Variants in MAP2K5 observed in about 807,000 individuals in gnomAD.
MAP2K5 encodes the protein mitogen-activated protein kinase kinase 5, also known as dual specificity mitogen-activated protein kinase kinase 5.
Under a neutral mutation model 83.1 loss-of-function variants are expected in MAP2K5, and 49 were observed. That is an observed-to-expected ratio of 0.59 (90% confidence interval 0.47 to 0.75). The LOEUF (loss-of-function observed/expected upper bound fraction) is 0.75. MAP2K5 is among the 30% of genes least tolerant of loss of function. MAP2K5 has a pLI of 0.00. For synonymous variants in MAP2K5, 202 were observed against 191.8 expected (o/e 1.05, Z -0.44); for missense variants, 457 against 557.5 (o/e 0.82, Z 1.82).
chr15:67,592,947 A>G lies in MAP2K5; in HGVS notation c.453A>G (p.Glu151=). The change falls in exon 7 of 22, where the codon GAA becomes GAG. Residue 151 remains glutamate, a synonymous_variant. Coordinates refer to ENST00000178640, the MANE Select transcript of MAP2K5 (RefSeq NM_145160.3). ...TCAGCTTAAAGAAGTCTTCTGCTGA[A>G]CTGAAAAAAATACTAGCCAATGGCC... ...PSNSLKKSSA[E]LKKILANGQM... The G allele has an allele frequency of 1.2e-6, 2 of 1,609,074 alleles. No individual in the cohort carries two copies. The highest frequency in any genetic ancestry group is 1.7e-6 in the Non-Finnish European group (2 of 1,176,844).
At chr15:67,727,263 T>C (rs1239106978) in intron 16 of MAP2K5, among the ~76,000 whole-genome samples, 1 of 152,192 alleles carries the variant, frequency 6.6e-6, no homozygotes, top group Non-Finnish European at 1.5e-5. Context: ...ATTTTGTTTT[T>C]ACAGGTGAGG....
chr15:67,664,661 A>G lies in MAP2K5; in HGVS notation c.847+16A>G, dbSNP rs2087328939. On this transcript the variant is annotated intron_variant, in intron 13 of 21. Transcript: ENST00000178640. ...TTACATAGAGGTATGTGCTGGGCTT[A>G]TAAGCTTGGATTTAATTTGGGGTGG... The G allele has an allele frequency of 7.0e-6, 11 of 1,582,732 alleles. No homozygotes were observed. Among genetic ancestry groups the G allele is most frequent in the Non-Finnish European group, 9.5e-6 (11 of 1,154,352 alleles).
rs1471023574 is a variant in MAP2K5, at chr15:67,585,816, T to C, written c.323-74T>C. 7 of 1,350,114 alleles carry C rather than the reference T, an allele frequency of 5.2e-6. No individual in the cohort carries two copies. In the East Asian group the frequency reaches 1.6e-4, roughly 31 times the overall value. The allele number at this position is 1,350,114 out of a possible 1,614,324, so 83.6% of individuals were successfully genotyped here. On this transcript the variant is annotated intron_variant, in intron 4 of 21. Transcript: ENST00000178640. ...AATTTTGGTGTCACCCTCATTTCTT[T>C]TTAAACGATTCATTTTGAGCAAATT...
At chr15:67,692,454 A>G (rs1274187146) in intron 13 of MAP2K5, 25 bp from the exon 14 acceptor site, 1 of 1,565,962 alleles carries the variant, frequency 6.4e-7, no homozygotes, top group East Asian at 2.2e-5. Flanking sequence ...AATTAGTTAC[A>G]TGGCCTTTTC....
intron 6 of MAP2K5, among the ~76,000 whole-genome samples, chr15:67,592,368 C>T (rs2141013481): frequency 6.6e-6 from 1 of 151,892 alleles, no homozygotes. Flanking sequence ...TGGTATTTTC[C>T]CCATTTTACA....
intron 17 of MAP2K5, among the ~76,000 whole-genome samples, chr15:67,745,817 G>A (rs2089593977): frequency 6.6e-6 from 1 of 152,188 alleles, no homozygotes; most frequent in African/African-American, 2.4e-5. Flanking sequence ...TTGTGAAATA[G>A]AAGATATAAG....
chr15:67,628,443 G>T, intron 8 of MAP2K5: 1 of 562,540 alleles, frequency 1.8e-6, no homozygotes, highest in South Asian at 2.3e-5. Flanking sequence ...TCGTGCCACT[G>T]CTCTCCAGCC....
intron 14 of MAP2K5, 132 bp downstream of exon 14, chr15:67,692,684 AGT>A: frequency 1.6e-6 from 1 of 638,442 alleles, no homozygotes; most frequent in Non-Finnish European, 2.8e-6. Context: ...CTCATCTGGG[AGT>A]GTGTTATTCA....
intron 3 of MAP2K5, among the ~76,000 whole-genome samples, chr15:67,571,943 C>CA (rs1311987403): frequency 6.6e-6 from 1 of 152,100 alleles, no homozygotes; most frequent in East Asian, 1.9e-4. Context: ...GCTCATGGTC[C>CA]AGTCAGGGAG....
intron 17 of MAP2K5, among the ~76,000 whole-genome samples, chr15:67,737,753 C>A (rs1053928760): frequency 2.0e-5 from 3 of 151,246 alleles, no homozygotes; most frequent in Non-Finnish European, 2.9e-5. Flanking sequence ...CAATTGGAAC[C>A]AAGTGTGGAC....
rs149335190 is a variant in MAP2K5, at chr15:67,586,587, G to T, written c.364-259G>T. Reference sequence around the variant, plus strand: ...TTATATGTATTCTAGACAGTGAGTTGGATTTTCACACTGTTTATGTCTCCT... The same window carrying T: ...TTATATGTATTCTAGACAGTGAGTTTGATTTTCACACTGTTTATGTCTCCT... On this transcript the variant is annotated intron_variant, in intron 5 of 21. Transcript: ENST00000178640. Among the ~76,000 whole-genome samples the T allele has an allele frequency of 2.2e-4, 33 of 152,116 alleles. No homozygotes were observed. In the East Asian group the frequency reaches 6.0e-3, roughly 28 times the overall value.
At position 67,794,162 on chromosome 15, in the gene MAP2K5, A is replaced by G. The variant is rs2090564843; in HGVS notation, c.1243-12484A>G. 1.3e-5 allele frequency among the ~76,000 whole-genome samples: 2 copies of G among 152,210 alleles called. No homozygotes were observed. The highest frequency in any genetic ancestry group is 2.9e-5 in the Non-Finnish European group (2 of 68,032). On this transcript the variant is annotated intron_variant, in intron 21 of 21. Transcript: ENST00000178640. This position sits in a 1 kb window ranked among gnomAD's most constrained non-coding sequence, Gnocchi z 4.6. ...ATGACCAGTGACACCACCTTGGAAAATGCAGGTCACACCAGTCACCACCAT... is the reference window on the plus strand; with the variant it reads ...ATGACCAGTGACACCACCTTGGAAAGTGCAGGTCACACCAGTCACCACCAT...
Position 67,769,873 on chromosome 15 carries a change from C to T in MAP2K5, c.1196+210C>T. 4.5e-6 allele frequency: 2 copies of T among 447,174 alleles called. No individual in the cohort carries two copies. The highest frequency in any genetic ancestry group is 7.8e-6 in the Non-Finnish European group (2 of 255,140). 27.7% of individuals were successfully genotyped at this position (447,174 alleles called of 1,614,324 possible). On this transcript the variant is annotated intron_variant, in intron 20 of 21. Transcript: ENST00000178640. The surrounding 1 kb of genome is among the most constrained non-coding windows in gnomAD (Gnocchi z 5.2). ...AAAGGGTCATAAGCATACTTCAGAG[C>T]CTTTTTCCTGATTTAATAAACTGCT...
At chr15:67,549,134 C>G in intron 1 of MAP2K5, 1 of 1,535,470 alleles carries the variant, frequency 6.5e-7, no homozygotes, top group Non-Finnish European at 8.7e-7. Flanking sequence ...TGTGGCAGAG[C>G]TCCTGGAGAG....
chr15:67,704,555 TCACCTG>T (rs1332565225), intron 16 of MAP2K5, among the ~76,000 whole-genome samples: 1 of 152,234 alleles, frequency 6.6e-6, no homozygotes, highest in Non-Finnish European at 1.5e-5. Context: ...CAAACTCAAT[TCACCTG>T]CACAGTAGAA....
chr15:67,677,877 C>T lies in MAP2K5; in HGVS notation c.847+13232C>T, dbSNP rs541204932. Among the ~76,000 whole-genome samples, 5 of 152,336 alleles carry T rather than the reference C, an allele frequency of 3.3e-5. No individual in the cohort carries two copies. The highest frequency in any genetic ancestry group is 9.6e-5 in the African/African-American group (4 of 41,568). On this transcript the variant is annotated intron_variant, in intron 13 of 21. Transcript: ENST00000178640. The surrounding 1 kb of genome is among the most constrained non-coding windows in gnomAD (Gnocchi z 4.2). ...CTGCCTTTATTGAAGAAGGAAAGGG[C>T]ACGTTTGTTGCCTCCATTCTGAACC...
intron 21 of MAP2K5, among the ~76,000 whole-genome samples, chr15:67,784,737 G>A (rs867635522): frequency 3.3e-5 from 5 of 152,228 alleles, no homozygotes; most frequent in Admixed American, 6.5e-5. Context: ...TGAGGGCAGA[G>A]TGTGTCCTGA....
chr15:67,585,463 C>G (rs1181938904), intron 4 of MAP2K5, among the ~76,000 whole-genome samples: 1 of 152,156 alleles, frequency 6.6e-6, no homozygotes, highest in Non-Finnish European at 1.5e-5. Flanking sequence ...GAATCCCTAG[C>G]AATCTTTTTG....
intron 15 of MAP2K5, among the ~76,000 whole-genome samples, chr15:67,695,368 G>C (rs1330652319): frequency 6.6e-6 from 1 of 152,046 alleles, no homozygotes; most frequent in Non-Finnish European, 1.5e-5. Flanking sequence ...TTTTCATTCA[G>C]ATACCAGAAT....
Sources: gnomAD v4.1 joint callset for allele counts (sites outside exome capture counted in the v4.1 genomes callset) on GRCh38, gnomAD v4.1.1 for gene constraint, Gnocchi (gnomAD v3.1) non-coding constraint, MANE v1.5 for transcripts, NCBI Gene and HGNC (gene_info 2026-07-23, HGNC 2026-07-21) for gene names.